RIMS1: variants seen among roughly 807,000 people sequenced by gnomAD.
RIMS1 encodes the protein regulating synaptic membrane exocytosis 1, also known as regulating synaptic membrane exocytosis protein 1.
In RIMS1, 83 loss-of-function variants were observed where a neutral mutation model predicts 214.1. The ratio of observed to expected loss-of-function variants is 0.39; its 90% CI spans 0.32 to 0.47. The LOEUF (loss-of-function observed/expected upper bound fraction) is 0.47, where lower values mean the gene tolerates loss of function less well. RIMS1 is among the 20% of genes least tolerant of loss of function. The pLI is 0.99. For synonymous variants in RIMS1, 793 were observed against 786.8 expected, an observed-to-expected ratio of 1.01 and a Z score of -0.13; for missense variants, 2,050 against 2,161.8, an observed-to-expected ratio of 0.95 and a Z score of 1.03.
intron 6 of RIMS1, among the ~76,000 whole-genome samples, chr6:72,196,918 A>G (rs2051091512): frequency 2.0e-5 from 3 of 151,978 alleles, no homozygotes; most frequent in African/African-American, 7.2e-5. Context: ...GAGCACTTCA[A>G]GTTGGCATGT....
At chr6:72,283,600 A>T (rs556558550) in intron 23 of RIMS1, among the ~76,000 whole-genome samples, 9 of 152,294 alleles carry the variant, frequency 5.9e-5, no homozygotes, top group Admixed American at 5.2e-4. Context: ...AATCAAAAAA[A>T]ATCTTTGTAG....
intron 28 of RIMS1, chr6:72,317,089 A>G: frequency 2.4e-6 from 1 of 424,292 alleles, no homozygotes; most frequent in Non-Finnish European, 4.5e-6. Flanking sequence ...GGTGGGCACC[A>G]CCTCCTCCCC....
At chr6:72,263,870 G>A (rs1426831871) in intron 19 of RIMS1, 2 of 392,418 alleles carry the variant, frequency 5.1e-6, no homozygotes, top group East Asian at 1.6e-4. Context: ...GCAGGTGCTT[G>A]TAATCCCAGC....
At chr6:72,263,010 T>A (rs2078749620) in intron 19 of RIMS1, 1 of 735,238 alleles carries the variant, frequency 1.4e-6, no homozygotes. Flanking sequence ...TACGAAAGTT[T>A]ATTTTACGAC....
At chr6:72,045,330 A>G (rs1394969944) in intron 2 of RIMS1, among the ~76,000 whole-genome samples, 1 of 151,980 alleles carries the variant, frequency 6.6e-6, no homozygotes, top group East Asian at 1.9e-4. Context: ...TTCACCTGAC[A>G]TAAAAAATAA....
At chr6:72,081,157 A>G (rs1833282558) in intron 2 of RIMS1, among the ~76,000 whole-genome samples, 1 of 152,326 alleles carries the variant, frequency 6.6e-6, no homozygotes, top group Admixed American at 6.5e-5. Flanking sequence ...ATTGGGTAAG[A>G]AAGGATGAGA....
intron 14 of RIMS1, 41 bp from the exon 15 acceptor site, chr6:72,251,174 T>G: frequency 6.4e-7 from 1 of 1,568,276 alleles, no homozygotes; most frequent in East Asian, 2.4e-5. Context: ...CATTATGTTT[T>G]GATAAAGGTA....
intron 4 of RIMS1, among the ~76,000 whole-genome samples, chr6:72,160,562 A>G (rs2045233365): frequency 1.4e-5 from 2 of 140,054 alleles, no homozygotes; most frequent in African/African-American, 4.9e-5. Flanking sequence ...CATCCCATCA[A>G]TACCTAATTT....
At chr6:72,394,961 G>A (rs889504794) in intron 31 of RIMS1, among the ~76,000 whole-genome samples, 1 of 151,694 alleles carries the variant, frequency 6.6e-6, no homozygotes, top group Non-Finnish European at 1.5e-5. Flanking sequence ...TAAACAAAAA[G>A]GAAGTATATA....
chr6:72,393,083 TG>T (rs1057314115), intron 31 of RIMS1, among the ~76,000 whole-genome samples: 2 of 111,584 alleles, frequency 1.8e-5, no homozygotes, highest in Non-Finnish European at 3.9e-5. Flanking sequence ...TTTCACAGCA[TG>T]GAAAAAAAAA....
At chr6:71,890,684 A>G (rs1219536149) in intron 1 of RIMS1, among the ~76,000 whole-genome samples, 2 of 151,938 alleles carry the variant, frequency 1.3e-5, no homozygotes, top group African/African-American at 4.8e-5. Flanking sequence ...AGAATCGAGT[A>G]CCATATTGGA....
chr6:72,165,031 A>G (rs974397175), intron 4 of RIMS1, among the ~76,000 whole-genome samples: 1 of 152,204 alleles, frequency 6.6e-6, no homozygotes, highest in Non-Finnish European at 1.5e-5. Flanking sequence ...AACCATGGCC[A>G]GAAGTACTGC....
At chr6:72,063,950 C>T (rs1168143194) in intron 2 of RIMS1, among the ~76,000 whole-genome samples, 1 of 152,188 alleles carries the variant, frequency 6.6e-6, no homozygotes, top group African/African-American at 2.4e-5. Context: ...CTCACATCAT[C>T]TTCCCTCTTT....
intron 26 of RIMS1, among the ~76,000 whole-genome samples, chr6:72,297,016 G>T (rs112507492): frequency 0.03 from 4,460 of 150,962 alleles, 200 homozygotes; most frequent in African/African-American, 0.1. Context: ...TATGTATCTC[G>T]GTATTACAAA....
chr6:72,120,968 T>A (rs1272390283), intron 4 of RIMS1, among the ~76,000 whole-genome samples: 2 of 151,894 alleles, frequency 1.3e-5, no homozygotes, highest in African/African-American at 4.8e-5. Context: ...GTTGTAGATA[T>A]GTGGTGTTAT....
chr6:72,090,914 C>T (rs777021670), intron 2 of RIMS1, among the ~76,000 whole-genome samples: 6 of 152,138 alleles, frequency 3.9e-5, no homozygotes, highest in Non-Finnish European at 5.9e-5. Context: ...ATCAGTCCAT[C>T]GTTCTCAGAA....
At chr6:72,221,179 A>G (rs143708364) in intron 6 of RIMS1, among the ~76,000 whole-genome samples, 11 of 152,134 alleles carry the variant, frequency 7.2e-5, no homozygotes, top group African/African-American at 1.4e-4. Context: ...CTAAATTGCA[A>G]TGGATACAGT....
intron 27 of RIMS1, among the ~76,000 whole-genome samples, chr6:72,312,063 G>C (rs2095538929): frequency 6.6e-6 from 1 of 152,106 alleles, no homozygotes; most frequent in African/African-American, 2.4e-5. Flanking sequence ...TTTCTCTAGG[G>C]TAATTTTTAA....
Position 72,183,139 on chromosome 6 carries a change from C to G in RIMS1, c.1668C>G (p.Val556=). 6.3e-7 allele frequency: 1 copy of G among 1,591,388 alleles called. No individual in the cohort carries two copies. Among genetic ancestry groups the G allele is most frequent in the South Asian group, 1.1e-5 (1 of 87,372 alleles). ...CEDVELESES[V]SEKGDLDYYW... is the part of the protein sequence containing the mutation. ...ACGTGGAGCTGGAGAGCGAGAGCGT[C>G]AGCGAGAAAGGTAAGGGGGCGGCGC... Residue 556 remains valine, a synonymous_variant, in exon 6 of 34, where the codon GTC becomes GTG. Transcript: ENST00000521978.
Sources: gnomAD v4.1 joint callset for allele counts (sites outside exome capture counted in the v4.1 genomes callset) on GRCh38, gnomAD v4.1.1 for gene constraint, MANE v1.5 for transcripts, NCBI Gene and HGNC (gene_info 2026-07-23, HGNC 2026-07-21) for gene names.